LRRC41: variants seen among roughly 807,000 people sequenced by gnomAD.
The protein encoded by LRRC41 is leucine rich repeat containing 41.
Under a neutral mutation model 72.1 loss-of-function variants are expected in LRRC41, and 17 were observed. The ratio of observed to expected loss-of-function variants is 0.24; its 90% CI spans 0.16 to 0.35. The LOEUF (loss-of-function observed/expected upper bound fraction) is 0.35, where lower values mean the gene tolerates loss of function less well. LRRC41 is among the 10% of genes least tolerant of loss of function. The pLI is 1.00. For missense variants in LRRC41, 759 were observed against 1,065.0 expected (o/e 0.71, Z 4.00); for synonymous variants, 427 against 431.0 (o/e 0.99, Z 0.11).
Position 46,281,370 on chromosome 1 carries a change from A to G in LRRC41, c.1511T>C (p.Ile504Thr). Residue 504 changes from isoleucine (I) to threonine (T), a missense_variant, in exon 5 of 10, where the codon ATC becomes ACC. Physicochemically the swap from Ile to Thr is moderately conservative, Grantham distance 89. Coordinates refer to ENST00000617190, the MANE Select transcript of LRRC41 (RefSeq NM_006369.5). ...CCGCAGGCTGTCTAGCAGGCGGAAG[A>G]TGTTAGAGCCCAGGCCTATGGCAAG... ...TLSYNGLGSN[I>T]FRLLDSLRAL... The G allele has an allele frequency of 6.2e-7, 1 of 1,614,176 alleles. No homozygotes were observed. The highest frequency in any genetic ancestry group is 8.5e-7 in the Non-Finnish European group (1 of 1,180,002).
intron 4 of LRRC41, among the ~76,000 whole-genome samples, chr1:46,282,836 C>T (rs1366713068): frequency 1.3e-5 from 2 of 152,004 alleles, no homozygotes; most frequent in African/African-American, 4.8e-5. Context: ...AGCCCAAGAC[C>T]AGCCTGGCCA....
In LRRC41 at chr1:46,303,450, T is replaced by C; in HGVS notation, c.-128A>G. On this transcript the variant is annotated 5_prime_UTR_variant, in exon 1 of 10. Transcript: ENST00000617190. Reference sequence around the variant, plus strand: ...TTATTCTAAAGAAATTTCGAAGAAATTAGCACACTTTCCAAGTCTCTTAGG... The same window carrying C: ...TTATTCTAAAGAAATTTCGAAGAAACTAGCACACTTTCCAAGTCTCTTAGG... 1.1e-6 allele frequency: 1 copy of C among 934,392 alleles called. No homozygotes were observed. Among genetic ancestry groups the C allele is most frequent in the Non-Finnish European group, 1.5e-6 (1 of 646,580 alleles). The allele number at this position is 934,392 out of a possible 1,614,324, so 57.9% of individuals were successfully genotyped here.
At position 46,280,339 on chromosome 1, in the gene LRRC41, G is replaced by A. The variant is rs1002989765; in HGVS notation, c.1922-49C>T. On this transcript the variant is annotated intron_variant, in intron 6 of 9. Transcript: ENST00000617190. ...GACCATGGACCTTAGCTTTCCTAGA[G>A]AACAGTGCTAGGTCCCCACCTACTC... 23 of 1,611,968 alleles carry A rather than the reference G, an allele frequency of 1.4e-5. No homozygotes were observed. The African/African-American group carries it at 2.4e-4, about 17-fold the overall frequency.
intron 1 of LRRC41, chr1:46,300,746 G>GCCTCTATACAC (rs1661205973): frequency 6.6e-6 from 1 of 152,320 alleles, no homozygotes; most frequent in Admixed American, 6.5e-5. Context: ...CTTTCCTGCT[G>GCCTCTATACAC]CCTCTATACA....
chr1:46,282,113 G>C (rs974478503), intron 4 of LRRC41, among the ~76,000 whole-genome samples: 1 of 151,992 alleles, frequency 6.6e-6, no homozygotes, highest in African/African-American at 2.4e-5. Flanking sequence ...GAGAGTGCAA[G>C]GCATGAATGA....
rs1166753734 is a variant in LRRC41, at chr1:46,298,235, G to A, written c.286+49C>T. On this transcript the variant is annotated intron_variant, in intron 2 of 9. Transcript: ENST00000617190. ...TAATATTTACCGGAAGAACATTATG[G>A]TGCCTTGCTCATAATCATTGACTGA... 2.3e-6 allele frequency: 3 copies of A among 1,304,724 alleles called. No homozygotes were observed. In the Admixed American group the frequency reaches 5.7e-5, roughly 25 times the overall value. The allele number at this position is 1,304,724 out of a possible 1,614,324, so 80.8% of individuals were successfully genotyped here. A position where few individuals can be genotyped will look rare whatever the true frequency, so the allele number is the denominator to read the frequency against.
At chr1:46,298,259 G>A in intron 2 of LRRC41, 25 bp downstream of exon 2, 1 of 1,479,344 alleles carries the variant, frequency 6.8e-7, no homozygotes, top group Non-Finnish European at 9.4e-7. Flanking sequence ...ATCATTGACT[G>A]AGAAAGAGAC....
intron 3 of LRRC41, among the ~76,000 whole-genome samples, chr1:46,294,171 A>T (rs983835693): frequency 6.7e-6 from 1 of 150,300 alleles, no homozygotes; most frequent in Admixed American, 6.6e-5. Flanking sequence ...CTGGAGTGCG[A>T]TGGTGTGATC....
chr1:46,280,783 T>C (rs1660757403), intron 5 of LRRC41, among the ~76,000 whole-genome samples: 1 of 152,202 alleles, frequency 6.6e-6, no homozygotes, highest in African/African-American at 2.4e-5. Context: ...GAAGACAGGC[T>C]ACCCAGACAC....
Position 46,278,124 on chromosome 1 carries a change from G to A in LRRC41, c.*741C>T. 6.2e-7 allele frequency: 1 copy of A among 1,613,960 alleles called. No individual in the cohort carries two copies. Among genetic ancestry groups the A allele is most frequent in the Non-Finnish European group, 8.5e-7 (1 of 1,179,936 alleles). ...CCGTCAGATCCGGCCACCCCCTGAT[G>A]GTTCTGACTGCACTTCAGACCTGGC... On this transcript the variant is annotated 3_prime_UTR_variant, in exon 10 of 10. Transcript: ENST00000617190.
chr1:46,300,709 C>T (rs555753968), intron 1 of LRRC41: 1 of 152,310 alleles, frequency 6.6e-6, no homozygotes, highest in South Asian at 2.1e-4. Flanking sequence ...TATAATATAC[C>T]TTATTTTAAA....
In LRRC41 at chr1:46,285,361, C is replaced by T; in HGVS notation, c.1495+1G>A. On this transcript the variant is annotated splice_donor_variant, in intron 4 of 9. Coordinates refer to ENST00000617190, the MANE Select transcript of LRRC41 (RefSeq NM_006369.5). LOFTEE classifies it high-confidence loss of function. This position sits in a 1 kb window ranked among gnomAD's most constrained non-coding sequence, Gnocchi z 5.3. ...AATCCCTGCCACTCCAGGGTGCTCA[C>T]CATTGTAGGAGAGTGTGAGGCTCTC... is the stretch of plus-strand genomic sequence containing the variant. The T allele has an allele frequency of 6.2e-7, 1 of 1,614,032 alleles. No individual in the cohort carries two copies. The highest frequency in any genetic ancestry group is 8.5e-7 in the Non-Finnish European group (1 of 1,179,962).
intron 1 of LRRC41, chr1:46,298,684 G>A (rs80298416): frequency 3.5e-5 from 8 of 225,510 alleles, no homozygotes; most frequent in Non-Finnish European, 5.2e-5. Flanking sequence ...GAACCATTTG[G>A]CATTGAAAAG....
intron 3 of LRRC41, among the ~76,000 whole-genome samples, chr1:46,296,417 CAAACA>C (rs369577873): frequency 0.021 from 3,214 of 152,014 alleles, 73 homozygotes; most frequent in African/African-American, 0.054. Context: ...AACTCCGTCT[CAAACA>C]AAACAAAACA....
rs1415920629 is a variant in LRRC41, at chr1:46,278,863, C to G, written c.*2G>C. The stretch of plus-strand genomic sequence containing the variant: ...GCATGAGACTGTGAGGTACGGGCCC[C>G]ATCACATGGTGCTAACATAATCTGC... On this transcript the variant is annotated 3_prime_UTR_variant, in exon 10 of 10. Coordinates refer to ENST00000617190, the MANE Select transcript of LRRC41 (RefSeq NM_006369.5). The G allele has an allele frequency of 6.2e-7, 1 of 1,607,230 alleles. No individual in the cohort carries two copies. Among genetic ancestry groups the G allele is most frequent in the South Asian group, 1.1e-5 (1 of 90,716 alleles).
chr1:46,278,848 G>A lies in LRRC41; in HGVS notation c.*17C>T. ...AGCTGATGGTACCGAGCATGAGACT[G>A]TGAGGTACGGGCCCCATCACATGGT... On this transcript the variant is annotated 3_prime_UTR_variant, in exon 10 of 10. Coordinates refer to ENST00000617190, the MANE Select transcript of LRRC41 (RefSeq NM_006369.5). 1.2e-6 allele frequency: 2 copies of A among 1,603,646 alleles called. No individual in the cohort carries two copies. Among genetic ancestry groups the A allele is most frequent in the East Asian group, 2.2e-5 (1 of 44,794 alleles).
chr1:46,290,362 T>G (rs1294488193), intron 3 of LRRC41, among the ~76,000 whole-genome samples: 1 of 152,214 alleles, frequency 6.6e-6, no homozygotes, highest in Non-Finnish European at 1.5e-5. Flanking sequence ...TGAGCTAAGA[T>G]CGTGCCACTG....
At position 46,302,630 on chromosome 1, in the gene LRRC41, C is replaced by A. The variant is rs1661265396; in HGVS notation, c.199+494G>T. On this transcript the variant is annotated intron_variant, in intron 1 of 9. Coordinates refer to ENST00000617190, the MANE Select transcript of LRRC41 (RefSeq NM_006369.5). This position sits in a 1 kb window ranked among gnomAD's most constrained non-coding sequence, Gnocchi z 4.7. ...GCCTCCGGAATCTCGACCCCCGTGG[C>A]GTGTCAGGCAGATGCTGGAGCCCCG... The A allele has an allele frequency of 3.0e-6, 3 of 985,274 alleles. No homozygotes were observed. The Admixed American group carries it at 1.8e-4, about 61-fold the overall frequency. 61.0% of individuals were successfully genotyped at this position (985,274 alleles called of 1,614,324 possible). A position where few individuals can be genotyped will look rare whatever the true frequency, so the allele number is the denominator to read the frequency against.
At chr1:46,289,259 G>T (rs949937510) in intron 3 of LRRC41, among the ~76,000 whole-genome samples, 2 of 152,162 alleles carry the variant, frequency 1.3e-5, no homozygotes, top group African/African-American at 4.8e-5. Context: ...ATCTGGGTCT[G>T]CCATTCACTA....
Sources: allele counts gnomAD v4.1 joint callset (sites outside exome capture counted in the v4.1 genomes callset), GRCh38; gene constraint gnomAD v4.1.1; non-coding constraint Gnocchi (gnomAD v3.1); transcripts MANE v1.5; gene names NCBI Gene and HGNC (gene_info 2026-07-23, HGNC 2026-07-21).